FOXP2: variants seen among roughly 807,000 people sequenced by gnomAD.
FOXP2 encodes the protein forkhead box protein P2.
FOXP2 carries 12 observed loss-of-function variants against 115.8 expected under a neutral mutation model. The ratio of observed to expected loss-of-function variants is 0.10; its 90% CI spans 0.07 to 0.17. The LOEUF (loss-of-function observed/expected upper bound fraction) is 0.17. Ranked by LOEUF, FOXP2 falls within the 10% of genes least tolerant of loss-of-function variation. FOXP2 has a pLI of 1.00. For synonymous variants in FOXP2, 328 were observed against 297.7 expected (o/e 1.10, Z -1.05); for missense variants, 629 against 843.5 (o/e 0.75, Z 3.15).
intron 1 of FOXP2, among the ~76,000 whole-genome samples, 155 bp downstream of exon 1, chr7:114,415,515 G>C (rs917357213): frequency 1.3e-5 from 2 of 151,446 alleles, no homozygotes; most frequent in African/African-American, 4.9e-5. Context: ...ATCTGTTTGC[G>C]AGGGAAAAGC....
Position 114,204,364 on chromosome 7 carries a change from T to C in FOXP2, c.-102+41276T>C, listed in dbSNP as rs562291189. ...CTCAACTCAGTTTAGGCTAGCCACA[T>C]TTCCAGTGCTTAAAAGCAACATGTA... On this transcript the variant is annotated intron_variant, in intron 1 of 17. Transcript: ENST00000634411. Among the ~76,000 whole-genome samples the C allele has an allele frequency of 2.1e-3, 322 of 152,320 alleles. 2 individuals carry two copies. Among genetic ancestry groups the C allele is most frequent in the South Asian group, 7.3e-3 (35 of 4,820 alleles).
intron 1 of FOXP2, among the ~76,000 whole-genome samples, chr7:114,223,323 T>C (rs1022528798): frequency 1.3e-5 from 2 of 151,880 alleles, no homozygotes; most frequent in African/African-American, 4.8e-5. Flanking sequence ...CTCACAATGG[T>C]CTTAAGTTGC....
intron 1 of FOXP2, among the ~76,000 whole-genome samples, chr7:114,174,001 T>G (rs967353796): frequency 6.6e-6 from 1 of 152,012 alleles, no homozygotes; most frequent in South Asian, 2.1e-4. Flanking sequence ...AAAAAAATAC[T>G]AATAATAATT....
chr7:114,498,578 A>G (rs1797426496), intron 2 of FOXP2, among the ~76,000 whole-genome samples: 1 of 152,218 alleles, frequency 6.6e-6, no homozygotes, highest in South Asian at 2.1e-4. Context: ...AGTAACTGGG[A>G]ACAGAATATT....
intron 1 of FOXP2, among the ~76,000 whole-genome samples, chr7:114,195,544 G>A (rs1793880920): frequency 6.6e-6 from 1 of 152,102 alleles, no homozygotes. Context: ...TTAAATAATA[G>A]TTCATTCATC....
At chr7:114,533,687 T>A (rs906331637) in intron 2 of FOXP2, among the ~76,000 whole-genome samples, 2 of 151,948 alleles carry the variant, frequency 1.3e-5, no homozygotes, top group Non-Finnish European at 2.9e-5. Context: ...TCATCATTAG[T>A]GTTCATTGAA....
intron 2 of FOXP2, among the ~76,000 whole-genome samples, chr7:114,291,845 A>C (rs1796599816): frequency 7.0e-6 from 1 of 142,720 alleles, no homozygotes; most frequent in Non-Finnish European, 1.5e-5. Context: ...TGTTTTATAT[A>C]TATATAACAT....
chr7:114,262,262 A>G (rs1795774250), intron 1 of FOXP2, among the ~76,000 whole-genome samples: 1 of 152,070 alleles, frequency 6.6e-6, no homozygotes, highest in Admixed American at 6.6e-5. Context: ...CATCTCTACA[A>G]AAAATTAAAA....
At chr7:114,313,005 C>T (rs536530883) in intron 2 of FOXP2, among the ~76,000 whole-genome samples, 6 of 152,290 alleles carry the variant, frequency 3.9e-5, no homozygotes, top group Non-Finnish European at 7.3e-5. Flanking sequence ...GCCTCTGCAT[C>T]TTGTCTCTCA....
chr7:114,337,933 A>G (rs1797899595), intron 2 of FOXP2, among the ~76,000 whole-genome samples: 1 of 151,182 alleles, frequency 6.6e-6, no homozygotes, highest in Non-Finnish European at 1.5e-5. Context: ...AACATTAGAA[A>G]TGAAGGCATA....
chr7:114,293,565 A>T (rs1303779678), intron 2 of FOXP2, among the ~76,000 whole-genome samples: 1 of 152,190 alleles, frequency 6.6e-6, no homozygotes, highest in African/African-American at 2.4e-5. Context: ...CTCATCTTGA[A>T]TTGCAGTTTT....
chr7:114,500,809 G>A (rs1452621394), intron 2 of FOXP2, among the ~76,000 whole-genome samples: 1 of 152,148 alleles, frequency 6.6e-6, no homozygotes, highest in Non-Finnish European at 1.5e-5. Context: ...ATTATGATTC[G>A]TAATAGTGCA....
chr7:114,374,771 C>A (rs750590126), intron 2 of FOXP2, among the ~76,000 whole-genome samples: 1 of 152,130 alleles, frequency 6.6e-6, no homozygotes, highest in Non-Finnish European at 1.5e-5. Context: ...GGCAATGTAG[C>A]GCACAGTGAG....
chr7:114,166,166 C>T (rs932365330), intron 1 of FOXP2, among the ~76,000 whole-genome samples: 1 of 151,920 alleles, frequency 6.6e-6, no homozygotes. Flanking sequence ...TAGAAGATAA[C>T]ATAGAAGAAA....
chr7:114,090,833 T>C (rs1371392657), intron 1 of FOXP2, among the ~76,000 whole-genome samples: 1 of 151,564 alleles, frequency 6.6e-6, no homozygotes, highest in Non-Finnish European at 1.5e-5. Flanking sequence ...TTCATGAGGC[T>C]TAGGTCATTT....
At chr7:114,361,402 T>C (rs939044451) in intron 2 of FOXP2, among the ~76,000 whole-genome samples, 1 of 152,050 alleles carries the variant, frequency 6.6e-6, no homozygotes, top group South Asian at 2.1e-4. Flanking sequence ...GTAGTTGCCA[T>C]ATTAAATTAG....
chr7:114,135,124 A>G (rs940046988), intron 1 of FOXP2, among the ~76,000 whole-genome samples: 4 of 152,226 alleles, frequency 2.6e-5, no homozygotes, highest in Non-Finnish European at 5.9e-5. Context: ...TTCTTTCTGG[A>G]AAAGCTATAC....
At chr7:114,642,812 A>ATATATATATTTTTTTT (rs1308357594) in intron 7 of FOXP2, among the ~76,000 whole-genome samples, 189 bp downstream of exon 7, 1 of 72,438 alleles carries the variant, frequency 1.4e-5, no homozygotes, top group Non-Finnish European at 2.3e-5. Flanking sequence ...ATATATATAT[A>ATATATATATTTTTTTT]TTTTTTTTTT....
At chr7:114,520,848 A>T (rs117364112) in intron 2 of FOXP2, among the ~76,000 whole-genome samples, 57 of 152,292 alleles carry the variant, frequency 3.7e-4, no homozygotes, top group Non-Finnish European at 7.1e-4. Flanking sequence ...GACTATAATC[A>T]TTCTGAAAAG....
Sources: allele counts gnomAD v4.1 joint callset (sites outside exome capture counted in the v4.1 genomes callset), GRCh38; gene constraint gnomAD v4.1.1; transcripts MANE v1.5; gene names NCBI Gene and HGNC (gene_info 2026-07-23, HGNC 2026-07-21).